Variants in HIVEP3 observed in about 807,000 individuals in gnomAD.
The protein encoded by HIVEP3 is HIVEP zinc finger 3.
In HIVEP3, 49 loss-of-function variants were observed where a neutral mutation model predicts 152.8. The ratio of observed to expected loss-of-function variants is 0.32; its 90% CI spans 0.26 to 0.41. The LOEUF is 0.41. HIVEP3 is among the 10% of genes least tolerant of loss of function. HIVEP3 has a pLI of 1.00. For synonymous variants in HIVEP3, 1,269 were observed against 1,289.0 expected (o/e 0.98, Z 0.33); for missense variants, 2,790 against 3,103.3 (o/e 0.90, Z 2.40).
At chr1:41,550,225 A>C (rs1190105246) in intron 5 of HIVEP3, among the ~76,000 whole-genome samples, 1 of 152,118 alleles carries the variant, frequency 6.6e-6, no homozygotes, top group Non-Finnish European at 1.5e-5. Context: ...GTTCTGCTCC[A>C]TTGGTCTATA....
intron 1 of HIVEP3, among the ~76,000 whole-genome samples, chr1:41,862,531 C>A (rs1643900501): frequency 6.6e-6 from 1 of 152,170 alleles, no homozygotes; most frequent in Non-Finnish European, 1.5e-5. Flanking sequence ...CCTCCTCTGC[C>A]TCCACCCCCA....
intron 2 of HIVEP3, among the ~76,000 whole-genome samples, chr1:41,634,080 G>C (rs998718585): frequency 1.3e-5 from 2 of 150,458 alleles, no homozygotes; most frequent in Admixed American, 1.3e-4. Flanking sequence ...CCAGAGAGAA[G>C]TATAAAATAG....
intron 1 of HIVEP3, among the ~76,000 whole-genome samples, chr1:41,996,242 A>T (rs1645395166): frequency 6.6e-6 from 1 of 151,848 alleles, no homozygotes; most frequent in East Asian, 1.9e-4. Context: ...AAAAAAAAAT[A>T]GCTGAGCGTG....
chr1:41,775,186 A>G (rs973031413), intron 1 of HIVEP3, among the ~76,000 whole-genome samples: 1 of 152,156 alleles, frequency 6.6e-6, no homozygotes, highest in African/African-American at 2.4e-5. Context: ...GAATATTTTG[A>G]AACAAACTCC....
At chr1:41,702,766 AT>A (rs2124131285) in intron 1 of HIVEP3, among the ~76,000 whole-genome samples, 1 of 152,340 alleles carries the variant, frequency 6.6e-6, no homozygotes, top group East Asian at 1.9e-4. Flanking sequence ...TTAATAAATG[AT>A]TGCTAAAACA....
chr1:41,530,206 G>A (rs1371232780), intron 5 of HIVEP3, among the ~76,000 whole-genome samples: 1 of 152,226 alleles, frequency 6.6e-6, no homozygotes, highest in Non-Finnish European at 1.5e-5. Context: ...TTTTGGCCGT[G>A]TCCCCAGTGG....
intron 1 of HIVEP3, among the ~76,000 whole-genome samples, chr1:41,816,384 A>C (rs1651266023): frequency 6.6e-6 from 1 of 152,288 alleles, no homozygotes; most frequent in South Asian, 2.1e-4. Flanking sequence ...TCATTAACTA[A>C]CAACTAAAGG....
intron 2 of HIVEP3, among the ~76,000 whole-genome samples, chr1:41,674,319 T>C (rs1645921438): frequency 6.6e-6 from 1 of 152,262 alleles, no homozygotes; most frequent in Non-Finnish European, 1.5e-5. Context: ...TCCCCACCCA[T>C]GCCACTGTTT....
chr1:41,657,202 G>C (rs141829326), intron 2 of HIVEP3, among the ~76,000 whole-genome samples: 1 of 152,224 alleles, frequency 6.6e-6, no homozygotes, highest in African/African-American at 2.4e-5. Flanking sequence ...CACAAGCCGG[G>C]TGTTTACACC....
At chr1:41,660,067 C>T (rs1432497973) in intron 2 of HIVEP3, among the ~76,000 whole-genome samples, 1 of 152,010 alleles carries the variant, frequency 6.6e-6, no homozygotes, top group South Asian at 2.1e-4. Flanking sequence ...GTTGTGTGTG[C>T]GAATGAGTGA....
At chr1:41,645,203 A>G (rs1371370057) in intron 2 of HIVEP3, among the ~76,000 whole-genome samples, 13 of 152,174 alleles carry the variant, frequency 8.5e-5, no homozygotes, top group Non-Finnish European at 1.9e-4. Context: ...GCTGCACAAG[A>G]CAGGGCAATG....
rs775280539 is a variant in HIVEP3 at position 41,510,705 on chromosome 1, G to A, written c.6967C>T (p.Arg2323Trp). The A allele has an allele frequency of 4.9e-5, 75 of 1,526,650 alleles. No homozygotes were observed. The highest frequency in any genetic ancestry group is 4.6e-4 in the Admixed American group (23 of 50,122). 94.6% of individuals were successfully genotyped at this position (1,526,650 alleles called of 1,614,324 possible). The change falls in exon 9 of 9, where the codon CGG becomes TGG. Residue 2323 changes from arginine (R) to tryptophan (W), a missense_variant. Arg to Trp is a moderately radical substitution (Grantham distance 101). Coordinates refer to ENST00000372583, the MANE Select transcript of HIVEP3 (RefSeq NM_024503.5). ...DTLPRPPQGR[R>W]AAQSWSPRLE... is the part of the protein sequence containing the mutation. ...CGGGGGCTCCAGGACTGCGCTGCCC[G>A]GCGTCCCTGGGGCGGCCGGGGCAAG...
chr1:41,747,975 A>T (rs542478406), intron 1 of HIVEP3, among the ~76,000 whole-genome samples: 1 of 152,238 alleles, frequency 6.6e-6, no homozygotes, highest in South Asian at 2.1e-4. Context: ...AGCACGGATG[A>T]TCCAGAGAAT....
chr1:41,824,668 G>A (rs1386007831), intron 1 of HIVEP3, among the ~76,000 whole-genome samples: 1 of 147,622 alleles, frequency 6.8e-6, no homozygotes, highest in East Asian at 2.0e-4. Context: ...AGGAACACAA[G>A]GAACATTAAC....
At chr1:41,773,880 AT>A (rs1277817303) in intron 1 of HIVEP3, among the ~76,000 whole-genome samples, 1 of 152,258 alleles carries the variant, frequency 6.6e-6, no homozygotes, top group Non-Finnish European at 1.5e-5. Flanking sequence ...AATAGATAAA[AT>A]TAGAACATGT....
intron 5 of HIVEP3, among the ~76,000 whole-genome samples, chr1:41,568,650 A>G (rs1342613095): frequency 6.6e-6 from 1 of 152,278 alleles, no homozygotes; most frequent in Non-Finnish European, 1.5e-5. Context: ...AAAAATGGGC[A>G]GATTCTAGAT....
At chr1:41,784,558 T>C (rs1313997675) in intron 1 of HIVEP3, among the ~76,000 whole-genome samples, 2 of 152,304 alleles carry the variant, frequency 1.3e-5, no homozygotes, top group African/African-American at 4.8e-5. Flanking sequence ...CTTTTATACC[T>C]AGGTGAGTGG....
At chr1:42,020,983 A>G (rs1404996091) in intron 1 of HIVEP3, among the ~76,000 whole-genome samples, 2 of 152,310 alleles carry the variant, frequency 1.3e-5, no homozygotes, top group East Asian at 3.9e-4. Context: ...TGAGTGAGAG[A>G]GAAGCAGAGA....
At chr1:41,924,663 G>A (rs1045294681) in intron 1 of HIVEP3, among the ~76,000 whole-genome samples, 6 of 143,028 alleles carry the variant, frequency 4.2e-5, no homozygotes, top group East Asian at 2.0e-4. Flanking sequence ...GGTTGTTGAC[G>A]ATAAAGTGAG....
Sources: allele counts gnomAD v4.1 joint callset (sites outside exome capture counted in the v4.1 genomes callset), GRCh38; gene constraint gnomAD v4.1.1; transcripts MANE v1.5; gene names NCBI Gene and HGNC (gene_info 2026-07-23, HGNC 2026-07-21).